Variants in COL25A1 observed in about 807,000 individuals in gnomAD.
COL25A1 encodes collagen type XXV alpha 1 chain, also known as collagen alpha-1(XXV) chain.
COL25A1 carries 103 observed loss-of-function variants against 128.4 expected under a neutral mutation model. The observed-to-expected ratio is 0.80, with a 90% CI of 0.68 to 0.94. The LOEUF (loss-of-function observed/expected upper bound fraction) is 0.94, where lower values mean the gene tolerates loss of function less well. Ranked by LOEUF, COL25A1 falls within the 40% of genes least tolerant of loss-of-function variation. The pLI is 0.00. For missense variants in COL25A1, 745 were observed against 840.0 expected (o/e 0.89, Z 1.40); for synonymous variants, 279 against 277.2 (o/e 1.01, Z -0.06).
chr4:108,953,011 T>C (rs1749643829), intron 8 of COL25A1, among the ~76,000 whole-genome samples: 1 of 152,062 alleles, frequency 6.6e-6, no homozygotes, highest in Admixed American at 6.6e-5. Context: ...CCCTTAATGG[T>C]AGCCTCTTTC....
chr4:108,836,628 G>A (rs974928115), intron 31 of COL25A1, among the ~76,000 whole-genome samples: 2 of 152,084 alleles, frequency 1.3e-5, no homozygotes, highest in Non-Finnish European at 2.9e-5. Flanking sequence ...GTGACAGAGT[G>A]AGACACTGTC....
chr4:109,062,255 A>G (rs563418291), intron 3 of COL25A1, among the ~76,000 whole-genome samples: 102 of 152,346 alleles, frequency 6.7e-4, no homozygotes, highest in Non-Finnish European at 1.3e-3. Flanking sequence ...ATCAGAGGTG[A>G]AAGTTCAAGG....
At chr4:109,221,279 A>G (rs532937854) in intron 3 of COL25A1, among the ~76,000 whole-genome samples, 2 of 152,290 alleles carry the variant, frequency 1.3e-5, no homozygotes, top group East Asian at 1.9e-4. Context: ...AAAATGAAGC[A>G]ATTTTGAAAT....
intron 3 of COL25A1, among the ~76,000 whole-genome samples, chr4:109,147,936 TA>T (rs1771113431): frequency 6.6e-6 from 1 of 152,168 alleles, no homozygotes; most frequent in African/African-American, 2.4e-5. Flanking sequence ...AAATTGTTTT[TA>T]CCATAGGAGA....
intron 31 of COL25A1, among the ~76,000 whole-genome samples, chr4:108,836,094 TCTC>T (rs1452217663): frequency 6.7e-6 from 1 of 149,016 alleles, no homozygotes; most frequent in East Asian, 2.0e-4. Context: ...ATGGTCTTGA[TCTC>T]CTAACCTGGT....
intron 3 of COL25A1, among the ~76,000 whole-genome samples, chr4:109,196,561 G>A (rs1023149470): frequency 6.6e-6 from 1 of 152,088 alleles, no homozygotes; most frequent in Non-Finnish European, 1.5e-5. Context: ...ACAACAATCT[G>A]ACAGCATTCT....
In COL25A1 at chr4:109,170,383, T is replaced by C. The variant is rs189414814; in HGVS notation, c.368-120204A>G. Among the ~76,000 whole-genome samples, 26 of 152,308 alleles carry C rather than the reference T, an allele frequency of 1.7e-4. No individual in the cohort carries two copies. The East Asian group carries it at 4.6e-3, about 27-fold the overall frequency. On this transcript the variant is annotated intron_variant, in intron 3 of 37. Coordinates refer to ENST00000399132, the MANE Select transcript of COL25A1 (RefSeq NM_198721.4). ...ATTCAAATAGAGAACTGGATTTACT[T>C]CTGTTCGGTGCAGGCCATACAATCC...
At chr4:109,217,816 T>C (rs2126205616) in intron 3 of COL25A1, among the ~76,000 whole-genome samples, 1 of 152,308 alleles carries the variant, frequency 6.6e-6, no homozygotes, top group East Asian at 1.9e-4. Flanking sequence ...CTGTTGAGTT[T>C]AGTCAATAAC....
chr4:109,213,687 T>C (rs1484070046), intron 3 of COL25A1, among the ~76,000 whole-genome samples: 3 of 152,196 alleles, frequency 2.0e-5, no homozygotes, highest in African/African-American at 7.2e-5. Flanking sequence ...AGTCAAATCC[T>C]ATCCAAATTG....
At chr4:109,018,938 A>C (rs1463788415) in intron 5 of COL25A1, among the ~76,000 whole-genome samples, 2 of 152,166 alleles carry the variant, frequency 1.3e-5, no homozygotes, top group Admixed American at 1.3e-4. Context: ...GTATTAGTTC[A>C]TTTTCACACT....
In COL25A1 at chr4:109,196,669, T is replaced by A. The variant is rs969513040; in HGVS notation, c.367+103914A>T. Among the ~76,000 whole-genome samples, 6 of 152,320 alleles carry A rather than the reference T, an allele frequency of 3.9e-5. No individual in the cohort carries two copies. The East Asian group carries it at 1.2e-3, about 29-fold the overall frequency. ...AAAAGAAGCCATTTCAAAACATTCTTCTGTGTGTTCAGAAGTAAGAACAGA... is the reference window on the plus strand; with the variant it reads ...AAAAGAAGCCATTTCAAAACATTCTACTGTGTGTTCAGAAGTAAGAACAGA... On this transcript the variant is annotated intron_variant, in intron 3 of 37. Coordinates refer to ENST00000399132, the MANE Select transcript of COL25A1 (RefSeq NM_198721.4).
intron 3 of COL25A1, among the ~76,000 whole-genome samples, chr4:109,098,217 T>C (rs1199304679): frequency 6.6e-6 from 1 of 152,314 alleles, no homozygotes; most frequent in East Asian, 1.9e-4. Flanking sequence ...AAGTGCTAAA[T>C]TGCTTAAGCT....
intron 32 of COL25A1, among the ~76,000 whole-genome samples, chr4:108,831,331 C>G (rs766848135): frequency 3.3e-5 from 5 of 151,930 alleles, no homozygotes; most frequent in Non-Finnish European, 7.4e-5. Context: ...CTAGTAATAC[C>G]ATGCTTTGCA....
At chr4:108,895,938 CTTTTTTTTTTTTTTT>C (rs35506597) in intron 16 of COL25A1, among the ~76,000 whole-genome samples, 1 of 70,794 alleles carries the variant, frequency 1.4e-5, no homozygotes, top group Non-Finnish European at 2.5e-5. Flanking sequence ...TATAATCAAA[CTTTTTTTTTTTTTTT>C]TTTTTTTTTT....
intron 3 of COL25A1, among the ~76,000 whole-genome samples, chr4:109,232,160 T>C (rs1175381700): frequency 6.6e-6 from 1 of 152,140 alleles, no homozygotes. Flanking sequence ...AAATCCTAAG[T>C]ACAAAAATCA....
Position 109,268,608 on chromosome 4 carries a change from C to T in COL25A1, c.367+31975G>A, listed in dbSNP as rs115302495. ...AATTAAATATATAGAGCCAAAGACA[C>T]GTGCAAATTTAAAACTATCATTTAT... On this transcript the variant is annotated intron_variant, in intron 3 of 37. Coordinates refer to ENST00000399132, the MANE Select transcript of COL25A1 (RefSeq NM_198721.4). Among the ~76,000 whole-genome samples the T allele has an allele frequency of 7.2e-3, 1,096 of 152,226 alleles. 19 individuals carry two copies. Among genetic ancestry groups the T allele is most frequent in the African/African-American group, 0.025 (1,019 of 41,556 alleles).
At chr4:108,858,052 G>A (rs1736727863) in intron 24 of COL25A1, among the ~76,000 whole-genome samples, 1 of 152,078 alleles carries the variant, frequency 6.6e-6, no homozygotes, top group Admixed American at 6.6e-5. Context: ...CATGCAAAAA[G>A]GAGGAGACTT....
chr4:109,026,005 C>G (rs967544173), intron 5 of COL25A1, among the ~76,000 whole-genome samples: 1 of 151,698 alleles, frequency 6.6e-6, no homozygotes, highest in African/African-American at 2.4e-5. Flanking sequence ...CAAGATTACC[C>G]CGAGAAAGAA....
intron 3 of COL25A1, among the ~76,000 whole-genome samples, chr4:109,187,856 T>A (rs116041738): frequency 0.024 from 3,669 of 152,064 alleles, 125 homozygotes; most frequent in African/African-American, 0.071. Context: ...AAAATAAAAT[T>A]AAATTAAATT....
Sources: gnomAD v4.1 joint callset for allele counts (sites outside exome capture counted in the v4.1 genomes callset) on GRCh38, gnomAD v4.1.1 for gene constraint, MANE v1.5 for transcripts, NCBI Gene and HGNC (gene_info 2026-07-23, HGNC 2026-07-21) for gene names.